The following PAK5 variants were observed in gnomAD, a reference collection of about 807,000 sequenced individuals.
PAK5 encodes serine/threonine-protein kinase PAK 5.
PAK5 carries 16 observed loss-of-function variants against 65.9 expected under a neutral mutation model. The observed-to-expected ratio is 0.24, with a 90% CI of 0.16 to 0.37. The LOEUF (loss-of-function observed/expected upper bound fraction) is 0.37. Ranked by LOEUF, PAK5 falls within the 10% of genes least tolerant of loss-of-function variation. The probability of loss-of-function intolerance (pLI) is 1.00; values close to 1 mark genes in which losing one functional copy is unlikely to be tolerated. For missense variants in PAK5, 785 were observed against 903.9 expected (o/e 0.87, Z 1.69); for synonymous variants, 371 against 354.9 (o/e 1.05, Z -0.51).
chr20:9,610,331 G>C (rs1379925630), intron 3 of PAK5, among the ~76,000 whole-genome samples: 4 of 152,168 alleles, frequency 2.6e-5, no homozygotes, highest in African/African-American at 4.8e-5. Context: ...GCTGCCCCTA[G>C]GTAGAGCTTG....
intron 3 of PAK5, among the ~76,000 whole-genome samples, chr20:9,607,208 C>T (rs1489609333): frequency 6.6e-6 from 1 of 152,160 alleles, no homozygotes; most frequent in East Asian, 1.9e-4. Flanking sequence ...AACAATGGTG[C>T]AGCCCACTAT....
At chr20:9,754,769 C>A (rs1156811179) in intron 1 of PAK5, among the ~76,000 whole-genome samples, 1 of 152,136 alleles carries the variant, frequency 6.6e-6, no homozygotes, top group East Asian at 1.9e-4. Context: ...AGGGCTGTGC[C>A]CAGGAATGAA....
chr20:9,631,567 C>A (rs2046922064), intron 3 of PAK5, among the ~76,000 whole-genome samples: 1 of 152,134 alleles, frequency 6.6e-6, no homozygotes, highest in Non-Finnish European at 1.5e-5. Flanking sequence ...GGGAATGAAG[C>A]CCAGCTGGCC....
chr20:9,672,111 T>C (rs2047507943), intron 2 of PAK5, among the ~76,000 whole-genome samples: 1 of 151,994 alleles, frequency 6.6e-6, no homozygotes, highest in Admixed American at 6.6e-5. Context: ...AGAGGTAATC[T>C]TGATATAGCC....
At chr20:9,593,856 A>C (rs2046218110) in intron 3 of PAK5, among the ~76,000 whole-genome samples, 2 of 149,006 alleles carry the variant, frequency 1.3e-5, no homozygotes, top group African/African-American at 5.0e-5. Flanking sequence ...CCCCCTCCTT[A>C]TCTAGGGGTA....
chr20:9,583,231 A>G (rs998980390), intron 3 of PAK5, among the ~76,000 whole-genome samples: 1 of 152,218 alleles, frequency 6.6e-6, no homozygotes, highest in Admixed American at 6.5e-5. Context: ...ATAAATCCAC[A>G]TTAATGTCTC....
chr20:9,537,858 G>A lies in PAK5; in HGVS notation c.*1604C>T, dbSNP rs1224332296. On this transcript the variant is annotated 3_prime_UTR_variant, in exon 10 of 10. Coordinates refer to ENST00000353224, the MANE Select transcript of PAK5 (RefSeq NM_177990.4). ...AAAACTGAAAATCTAATCAGTAGAA[G>A]GTCATTTTATGCCTTTTTTCCTTTT... 3 of 227,612 alleles carry A rather than the reference G, an allele frequency of 1.3e-5. No individual in the cohort carries two copies. The highest frequency in any genetic ancestry group is 6.7e-5 in the African/African-American group (3 of 44,964). 14.1% of individuals were successfully genotyped at this position (227,612 alleles called of 1,614,324 possible). A position where few individuals can be genotyped will look rare whatever the true frequency, so the allele number is the denominator to read the frequency against.
chr20:9,811,393 T>C (rs1309275631), intron 1 of PAK5, among the ~76,000 whole-genome samples: 1 of 152,074 alleles, frequency 6.6e-6, no homozygotes, highest in Non-Finnish European at 1.5e-5. Flanking sequence ...AATTCAGGGG[T>C]AAAAAAGAAA....
At chr20:9,570,834 G>A (rs570510850) in intron 4 of PAK5, among the ~76,000 whole-genome samples, 1 of 152,252 alleles carries the variant, frequency 6.6e-6, no homozygotes, top group African/African-American at 2.4e-5. Context: ...CACAAACACC[G>A]CTTTGCACTA....
Position 9,764,881 on chromosome 20 carries a change from G to C in PAK5, c.-161-53446C>G, listed in dbSNP as rs1342137743. Among the ~76,000 whole-genome samples the C allele has an allele frequency of 3.9e-5, 6 of 152,156 alleles. No homozygotes were observed. The East Asian group carries it at 1.2e-3, about 29-fold the overall frequency. On this transcript the variant is annotated intron_variant, in intron 1 of 9. Transcript: ENST00000353224. Reference sequence around the variant, plus strand: ...TTTAAAAAATAACAGATGGTTCTGAGTGGATGGTCTCTGTGGCAGAGACAT... The same window carrying C: ...TTTAAAAAATAACAGATGGTTCTGACTGGATGGTCTCTGTGGCAGAGACAT...
intron 3 of PAK5, among the ~76,000 whole-genome samples, chr20:9,605,196 C>T (rs1048901113): frequency 1.3e-5 from 2 of 152,344 alleles, no homozygotes; most frequent in African/African-American, 2.4e-5. Flanking sequence ...TATCCAAGAA[C>T]TTCCTTTCCA....
At chr20:9,777,160 C>T (rs1569084074) in intron 1 of PAK5, among the ~76,000 whole-genome samples, 1 of 152,070 alleles carries the variant, frequency 6.6e-6, no homozygotes, top group Non-Finnish European at 1.5e-5. Flanking sequence ...CTCAGGAGTT[C>T]AAGAACATTT....
chr20:9,596,866 T>C (rs2046279323), intron 3 of PAK5, among the ~76,000 whole-genome samples: 1 of 152,126 alleles, frequency 6.6e-6, no homozygotes, highest in Non-Finnish European at 1.5e-5. Flanking sequence ...GGCACATAAA[T>C]GCCCCAGGTA....
At chr20:9,591,700 A>T (rs994592269) in intron 3 of PAK5, among the ~76,000 whole-genome samples, 1 of 152,070 alleles carries the variant, frequency 6.6e-6, no homozygotes, top group Non-Finnish European at 1.5e-5. Flanking sequence ...TGATTAAATT[A>T]TGCTCTAAAT....
intron 2 of PAK5, among the ~76,000 whole-genome samples, chr20:9,691,618 G>A (rs1435437740): frequency 2.0e-5 from 3 of 151,990 alleles, no homozygotes; most frequent in African/African-American, 4.8e-5. Flanking sequence ...TTCTAGTCAC[G>A]TTTATTTATA....
rs112700621 is a variant in PAK5 at position 9,558,746 on chromosome 20, G to A, written c.1617-1012C>T. Among the ~76,000 whole-genome samples, 665 of 152,274 alleles carry A rather than the reference G, an allele frequency of 4.4e-3. 6 individuals are homozygous for A. Among genetic ancestry groups the A allele is most frequent in the African/African-American group, 0.015 (634 of 41,546 alleles). On this transcript the variant is annotated intron_variant, in intron 6 of 9. Transcript: ENST00000353224. ...TCTCTCAAAAGGAAATTGGACCTAG[G>A]AAGTTACTAATAACAGAGTGTGAAT...
At chr20:9,783,216 G>A (rs1767274953) in intron 1 of PAK5, among the ~76,000 whole-genome samples, 2 of 152,104 alleles carry the variant, frequency 1.3e-5, no homozygotes, top group African/African-American at 2.4e-5. Flanking sequence ...GATTACAGGA[G>A]TGAGCCACCG....
intron 1 of PAK5, among the ~76,000 whole-genome samples, chr20:9,763,286 A>C (rs1374825070): frequency 1.3e-5 from 2 of 152,128 alleles, no homozygotes; most frequent in Non-Finnish European, 2.9e-5. Flanking sequence ...ACACACATGA[A>C]ATTATAATAA....
chr20:9,778,886 A>AAACCC (rs1364406879), intron 1 of PAK5, among the ~76,000 whole-genome samples: 2 of 151,708 alleles, frequency 1.3e-5, no homozygotes, highest in Non-Finnish European at 2.9e-5. Flanking sequence ...GAGCCCCTCT[A>AAACCC]AACCCTCAGA....
Sources: allele counts gnomAD v4.1 joint callset (sites outside exome capture counted in the v4.1 genomes callset), GRCh38; gene constraint gnomAD v4.1.1; transcripts MANE v1.5; gene names NCBI Gene and HGNC (gene_info 2026-07-23, HGNC 2026-07-21).